The following ABAT variants were observed in gnomAD, a reference collection of about 807,000 sequenced individuals.
The protein encoded by ABAT is 4-aminobutyrate aminotransferase, mitochondrial.
In ABAT, 45 loss-of-function variants were observed where a neutral mutation model predicts 64.6. The observed-to-expected ratio is 0.70, with a 90% confidence interval of 0.55 to 0.89. ABAT has a LOEUF of 0.89. Ranked by LOEUF, ABAT falls within the 40% of genes least tolerant of loss-of-function variation. ABAT has a pLI of 0.00. For synonymous variants in ABAT, 297 were observed against 250.5 expected, an observed-to-expected ratio of 1.19 and a Z score of -1.75; for missense variants, 633 against 658.4, an observed-to-expected ratio of 0.96 and a Z score of 0.42.
At chr16:8,738,084 G>A (rs1364102803) in intron 2 of ABAT, among the ~76,000 whole-genome samples, 1 of 151,712 alleles carries the variant, frequency 6.6e-6, no homozygotes, top group Non-Finnish European at 1.5e-5. Flanking sequence ...AATTTGGGAG[G>A]CTGAGGCAGG....
At chr16:8,761,233 G>T (rs961265893) in intron 6 of ABAT, among the ~76,000 whole-genome samples, 1 of 139,628 alleles carries the variant, frequency 7.2e-6, no homozygotes, top group African/African-American at 2.6e-5. Flanking sequence ...CACCTCGTCA[G>T]GGACTGGTCC....
intron 1 of ABAT, among the ~76,000 whole-genome samples, chr16:8,698,897 G>C (rs2057760425): frequency 6.6e-6 from 1 of 152,204 alleles, no homozygotes; most frequent in African/African-American, 2.4e-5. Context: ...AGTGAGCCAA[G>C]ATTGCGCCAC....
At chr16:8,676,958 C>T (rs979536113) in intron 1 of ABAT, among the ~76,000 whole-genome samples, 6 of 152,218 alleles carry the variant, frequency 3.9e-5, no homozygotes, top group African/African-American at 1.4e-4. Flanking sequence ...GAAGTAGAGG[C>T]TCTCTCTGTT....
intron 5 of ABAT, among the ~76,000 whole-genome samples, chr16:8,751,919 G>A (rs888852144): frequency 2.6e-5 from 4 of 152,220 alleles, no homozygotes; most frequent in African/African-American, 9.6e-5. Flanking sequence ...CAGCTTGGAT[G>A]GTTAATGTTT....
intron 1 of ABAT, among the ~76,000 whole-genome samples, chr16:8,679,549 G>C (rs1020973080): frequency 4.7e-5 from 7 of 148,292 alleles, no homozygotes; most frequent in African/African-American, 1.7e-4. Context: ...AAAGGTAGAA[G>C]GAGGAGGCAA....
intron 1 of ABAT, among the ~76,000 whole-genome samples, chr16:8,695,792 A>G (rs1031400453): frequency 6.6e-6 from 1 of 152,240 alleles, no homozygotes; most frequent in Non-Finnish European, 1.5e-5. Flanking sequence ...AGCAGTTTTC[A>G]GTGGAAACTG....
intron 14 of ABAT, among the ~76,000 whole-genome samples, chr16:8,778,745 C>G (rs910159960): frequency 3.3e-5 from 5 of 151,524 alleles, no homozygotes; most frequent in Non-Finnish European, 5.9e-5. Context: ...CCACTGCACT[C>G]CAGCCAGGGC....
intron 5 of ABAT, among the ~76,000 whole-genome samples, chr16:8,752,080 A>G (rs1344198430): frequency 2.0e-5 from 3 of 152,216 alleles, no homozygotes; most frequent in Admixed American, 2.0e-4. Flanking sequence ...GACCCTGCTC[A>G]GAAGCCTGGA....
intron 1 of ABAT, chr16:8,713,243 G>T (rs1060784): frequency 0.72 from 108,527 of 151,172 alleles, 39,380 homozygotes; most frequent in East Asian, 0.89. Context: ...TCTGAAGCCC[G>T]GGATTTCTGC....
intron 9 of ABAT, among the ~76,000 whole-genome samples, chr16:8,767,230 G>A (rs2059970504): frequency 6.6e-6 from 1 of 152,344 alleles, no homozygotes; most frequent in Admixed American, 6.5e-5. Context: ...TGTGCCATTT[G>A]CTTGGGGCTG....
intron 10 of ABAT, 135 bp from the exon 11 acceptor site, chr16:8,768,690 A>AC: frequency 8.4e-7 from 1 of 1,192,476 alleles, no homozygotes; most frequent in East Asian, 2.3e-5. Context: ...GATAAAAAGA[A>AC]CTGGGGTTTC....
In ABAT at chr16:8,776,128, G is replaced by A. The variant is rs2060257492; in HGVS notation, c.1123-216G>A. ...AGCAGTTCCTACATGCAGGGCTGCT[G>A]TTGGAAGAATTCAGCAAGATTGGGT... On this transcript the variant is annotated intron_variant, in intron 13 of 15. Coordinates refer to ENST00000268251, the MANE Select transcript of ABAT (RefSeq NM_020686.6). This position sits in a 1 kb window ranked among gnomAD's most constrained non-coding sequence, Gnocchi z 4.4. Among the ~76,000 whole-genome samples, 1 of 152,188 alleles carries A rather than the reference G, an allele frequency of 6.6e-6. No homozygotes were observed. The highest frequency in any genetic ancestry group is 6.5e-5 in the Admixed American group (1 of 15,282).
intron 1 of ABAT, among the ~76,000 whole-genome samples, chr16:8,684,802 C>G (rs531104669): frequency 1.3e-3 from 192 of 151,520 alleles, no homozygotes; most frequent in Admixed American, 2.6e-3. Flanking sequence ...TTATTAGGCT[C>G]ATTCAATGAG....
rs776797853 is a variant in ABAT, at chr16:8,750,373, G to T, written c.199-49G>T. Reference sequence around the variant, plus strand: ...TTCAAGCTTAATCCTAAAAGCCCAAGAATCTAGGGAGTGGCAGTGAGCCTG... The same window carrying T: ...TTCAAGCTTAATCCTAAAAGCCCAATAATCTAGGGAGTGGCAGTGAGCCTG... On this transcript the variant is annotated intron_variant, in intron 4 of 15. Coordinates refer to ENST00000268251, the MANE Select transcript of ABAT (RefSeq NM_020686.6). The T allele has an allele frequency of 7.4e-6, 11 of 1,482,890 alleles. No individual in the cohort carries two copies. The African/African-American group carries it at 1.4e-4, about 19-fold the overall frequency. The allele number at this position is 1,482,890 out of a possible 1,614,324, so 91.9% of individuals were successfully genotyped here. A position where few individuals can be genotyped will look rare whatever the true frequency, so the allele number is the denominator to read the frequency against.
chr16:8,719,510 G>A (rs72768197), intron 1 of ABAT, among the ~76,000 whole-genome samples: 365 of 152,260 alleles, frequency 2.4e-3, no homozygotes, highest in Non-Finnish European at 4.2e-3. Context: ...CGATGTGTTC[G>A]TTCTCCCTGG....
Position 8,764,967 on chromosome 16 carries a change from C to A in ABAT, c.540+137C>A. On this transcript the variant is annotated intron_variant, in intron 8 of 15. Transcript: ENST00000268251. This position sits in a 1 kb window ranked among gnomAD's most constrained non-coding sequence, Gnocchi z 4.2. ...TACCAGGGTTAAAATACAGGGAGGGCCACTGCTGGATGGTACTTTGAGACG... is the reference window on the plus strand; with the variant it reads ...TACCAGGGTTAAAATACAGGGAGGGACACTGCTGGATGGTACTTTGAGACG... The A allele has an allele frequency of 1.2e-6, 1 of 825,570 alleles. No individual in the cohort carries two copies. The highest frequency in any genetic ancestry group is 2.0e-6 in the Non-Finnish European group (1 of 496,942). The allele number at this position is 825,570 out of a possible 1,614,324, so 51.1% of individuals were successfully genotyped here. A position where few individuals can be genotyped will look rare whatever the true frequency, so the allele number is the denominator to read the frequency against.
chr16:8,675,888 G>A (rs868122391), intron 1 of ABAT, among the ~76,000 whole-genome samples: 2 of 152,114 alleles, frequency 1.3e-5, no homozygotes, highest in African/African-American at 2.4e-5. Flanking sequence ...GTGCACCCCC[G>A]CAAGCGCCTG....
intron 1 of ABAT, among the ~76,000 whole-genome samples, chr16:8,675,938 G>A (rs1381125326): frequency 1.3e-5 from 2 of 152,126 alleles, no homozygotes; most frequent in Non-Finnish European, 2.9e-5. Flanking sequence ...ACTCAGCCAA[G>A]AGAAATGGGT....
In ABAT at chr16:8,719,769, G is replaced by A. The variant is rs558368597; in HGVS notation, c.-41-15930G>A. On this transcript the variant is annotated intron_variant, in intron 1 of 15. Coordinates refer to ENST00000268251, the MANE Select transcript of ABAT (RefSeq NM_020686.6). ...AAGAAGAAAGAAGGAGGAGGAGGAG[G>A]AGAAGGAGAAGGAAAAAAAGAAGTT... Among the ~76,000 whole-genome samples the A allele has an allele frequency of 2.6e-5, 4 of 152,184 alleles. No individual in the cohort carries two copies. In the East Asian group the frequency reaches 7.7e-4, roughly 29 times the overall value.
Sources: gnomAD v4.1 joint callset for allele counts (sites outside exome capture counted in the v4.1 genomes callset) on GRCh38, gnomAD v4.1.1 for gene constraint, Gnocchi (gnomAD v3.1) non-coding constraint, MANE v1.5 for transcripts, NCBI Gene and HGNC (gene_info 2026-07-23, HGNC 2026-07-21) for gene names.